CSMD1: variants seen among roughly 807,000 people sequenced by gnomAD.
CSMD1 encodes the protein CUB and Sushi multiple domains 1.
In CSMD1, 213 loss-of-function variants were observed where a neutral mutation model predicts 417.5. The ratio of observed to expected loss-of-function variants is 0.51; its 90% CI spans 0.46 to 0.57. CSMD1 has a LOEUF of 0.57. CSMD1 is among the 20% of genes least tolerant of loss of function. CSMD1 has a pLI of 0.00. For missense variants in CSMD1, 6,923 were observed against 4,529.7 expected, an observed-to-expected ratio of 1.53 and a Z score of -15.17; for synonymous variants, 2,862 against 1,736.8, an observed-to-expected ratio of 1.65 and a Z score of -16.11.
At chr8:3,357,952 T>C (rs1264976311) in intron 21 of CSMD1, among the ~76,000 whole-genome samples, 1 of 152,202 alleles carries the variant, frequency 6.6e-6, no homozygotes, top group Non-Finnish European at 1.5e-5. Context: ...AATAACGAAA[T>C]TCTGACTGTG....
chr8:3,174,561 T>C (rs1302180555), intron 37 of CSMD1, among the ~76,000 whole-genome samples: 1 of 152,142 alleles, frequency 6.6e-6, no homozygotes, highest in Non-Finnish European at 1.5e-5. Context: ...TCTAGAAAAA[T>C]TTTTAAAAGA....
intron 1 of CSMD1, among the ~76,000 whole-genome samples, chr8:4,990,278 T>C (rs781239610): frequency 6.6e-5 from 10 of 152,232 alleles, no homozygotes; most frequent in Non-Finnish European, 1.5e-4. Flanking sequence ...GAAGTCATAG[T>C]AATTAGTAAT....
intron 10 of CSMD1, among the ~76,000 whole-genome samples, chr8:3,527,670 T>C (rs1797809691): frequency 1.3e-5 from 2 of 152,108 alleles, no homozygotes; most frequent in South Asian, 4.1e-4. Context: ...CCCTTGCCAA[T>C]TTGCTGGCTC....
chr8:3,608,173 CA>C (rs5888975), intron 8 of CSMD1, among the ~76,000 whole-genome samples: 25,892 of 97,116 alleles, frequency 0.27, 2,305 homozygotes, highest in Admixed American at 0.31. Flanking sequence ...GAAGCCATCT[CA>C]AAAAAAAAAA....
chr8:3,667,059 A>G (rs1294134843), intron 7 of CSMD1, among the ~76,000 whole-genome samples: 2 of 152,148 alleles, frequency 1.3e-5, no homozygotes, highest in Admixed American at 6.5e-5. Context: ...TCATTCCTTC[A>G]TTCTCTAAAT....
chr8:4,510,890 C>T (rs1802787541), intron 2 of CSMD1, among the ~76,000 whole-genome samples: 1 of 143,002 alleles, frequency 7.0e-6, no homozygotes, highest in African/African-American at 2.5e-5. Context: ...TCCCTCCCTT[C>T]CTTCCTCTCT....
At chr8:3,287,757 A>G (rs965901002) in intron 25 of CSMD1, among the ~76,000 whole-genome samples, 16 of 152,064 alleles carry the variant, frequency 1.1e-4, no homozygotes, top group African/African-American at 3.9e-4. Flanking sequence ...AACAGGGACA[A>G]TTTGACTTCC....
chr8:3,158,058 T>C (rs986902460), intron 38 of CSMD1, 92 bp from the exon 39 acceptor site: 1 of 1,038,830 alleles, frequency 9.6e-7, no homozygotes, highest in African/African-American at 1.6e-5. Flanking sequence ...TTTTCCTTTC[T>C]TGTTTTAATT....
At chr8:3,443,246 G>T (rs1413441199) in intron 12 of CSMD1, among the ~76,000 whole-genome samples, 1 of 152,176 alleles carries the variant, frequency 6.6e-6, no homozygotes, top group African/African-American at 2.4e-5. Context: ...ACTGGAAAGA[G>T]CTCATCAATA....
chr8:4,107,598 G>A (rs1443801639), intron 3 of CSMD1, among the ~76,000 whole-genome samples: 1 of 152,190 alleles, frequency 6.6e-6, no homozygotes, highest in African/African-American at 2.4e-5. Context: ...TTTGTGAATA[G>A]CTGGGAGTAT....
intron 7 of CSMD1, among the ~76,000 whole-genome samples, chr8:3,703,048 A>C (rs1800955828): frequency 6.6e-6 from 1 of 152,186 alleles, no homozygotes. Flanking sequence ...AGAGCATATA[A>C]ACCACGTAAT....
chr8:4,553,176 C>T (rs555850779), intron 2 of CSMD1, among the ~76,000 whole-genome samples: 50 of 152,336 alleles, frequency 3.3e-4, no homozygotes, highest in African/African-American at 1.2e-3. Flanking sequence ...TCAGTTGTCG[C>T]CTCCCTTTCC....
At chr8:3,338,031 G>C (rs1807386830) in intron 23 of CSMD1, among the ~76,000 whole-genome samples, 1 of 152,160 alleles carries the variant, frequency 6.6e-6, no homozygotes, top group Non-Finnish European at 1.5e-5. Context: ...TATTTCCCAA[G>C]CGATATCATT....
At chr8:4,716,320 G>A (rs567085188) in intron 1 of CSMD1, among the ~76,000 whole-genome samples, 2 of 152,338 alleles carry the variant, frequency 1.3e-5, no homozygotes, top group East Asian at 3.9e-4. Context: ...TCATGTGGCT[G>A]AGGAAATGTC....
intron 10 of CSMD1, among the ~76,000 whole-genome samples, chr8:3,536,809 G>C (rs1035254964): frequency 2.0e-5 from 3 of 152,148 alleles, no homozygotes; most frequent in Non-Finnish European, 2.9e-5. Context: ...AATGCTGTTA[G>C]GTTTGTGCCA....
At chr8:4,079,860 C>G (rs567402378) in intron 3 of CSMD1, among the ~76,000 whole-genome samples, 2 of 152,034 alleles carry the variant, frequency 1.3e-5, no homozygotes, top group Non-Finnish European at 2.9e-5. Context: ...TTCTAATGAC[C>G]CTTTGAATAC....
intron 37 of CSMD1, among the ~76,000 whole-genome samples, chr8:3,177,074 A>G (rs56259888): frequency 0.22 from 33,710 of 152,022 alleles, 3,829 homozygotes; most frequent in Admixed American, 0.27. Flanking sequence ...AACCATGCCC[A>G]GCTTGGTGAC....
intron 6 of CSMD1, among the ~76,000 whole-genome samples, chr8:3,740,897 G>T (rs145469448): frequency 1.3e-4 from 20 of 152,168 alleles, no homozygotes; most frequent in African/African-American, 4.6e-4. Flanking sequence ...CTGTGCCCAG[G>T]GGTGGGAGGA....
intron 5 of CSMD1, among the ~76,000 whole-genome samples, chr8:3,783,046 C>G (rs1483340540): frequency 6.6e-6 from 1 of 152,178 alleles, no homozygotes; most frequent in Non-Finnish European, 1.5e-5. Context: ...TCTGTACTGA[C>G]ACTTCCTACT....
Sources: allele counts gnomAD v4.1 joint callset (sites outside exome capture counted in the v4.1 genomes callset), GRCh38; gene constraint gnomAD v4.1.1; transcripts MANE v1.5; gene names NCBI Gene and HGNC (gene_info 2026-07-23, HGNC 2026-07-21).